Variants in ADCY8 observed in about 807,000 individuals in gnomAD.
ADCY8 encodes the protein adenylate cyclase 8.
Under a neutral mutation model 119.7 loss-of-function variants are expected in ADCY8, and 51 were observed. The ratio of observed to expected loss-of-function variants is 0.43; its 90% CI spans 0.34 to 0.54. ADCY8 has a LOEUF of 0.54. ADCY8 is among the 20% of genes least tolerant of loss of function. The pLI, the probability that ADCY8 is intolerant of heterozygous loss-of-function variation, is 0.03. For missense variants in ADCY8, 1,383 were observed against 1,598.8 expected (o/e 0.87, Z 2.30); for synonymous variants, 665 against 651.0 (o/e 1.02, Z -0.33).
At chr8:130,993,877 C>A (rs2130748683) in intron 1 of ADCY8, among the ~76,000 whole-genome samples, 1 of 152,306 alleles carries the variant, frequency 6.6e-6, no homozygotes, top group East Asian at 1.9e-4. Context: ...TTTTAAGGCA[C>A]ATATTGAAAA....
chr8:130,913,735 C>T (rs1342289724), intron 5 of ADCY8, among the ~76,000 whole-genome samples: 1 of 152,126 alleles, frequency 6.6e-6, no homozygotes, highest in Non-Finnish European at 1.5e-5. Flanking sequence ...GTTTTAAGCA[C>T]TGAGATTTTA....
intron 2 of ADCY8, among the ~76,000 whole-genome samples, chr8:130,959,048 C>G (rs1308155016): frequency 6.6e-6 from 1 of 152,086 alleles, no homozygotes; most frequent in Non-Finnish European, 1.5e-5. Context: ...TTAACTGATC[C>G]TTGTCTTTTC....
chr8:130,852,718 C>G (rs752846079), intron 9 of ADCY8, among the ~76,000 whole-genome samples: 9 of 152,026 alleles, frequency 5.9e-5, no homozygotes, highest in Non-Finnish European at 1.3e-4. Flanking sequence ...GCTCTTGGCT[C>G]TCTCTCCTGC....
intron 8 of ADCY8, among the ~76,000 whole-genome samples, chr8:130,877,483 G>A (rs1354078665): frequency 6.6e-6 from 1 of 152,168 alleles, no homozygotes; most frequent in Non-Finnish European, 1.5e-5. Context: ...CACTTCCCAA[G>A]AATCACTAGA....
Position 130,783,709 on chromosome 8 carries a change from T to C in ADCY8, c.3250A>G (p.Asn1084Asp). Residue 1084 changes from asparagine (N) to aspartate (D), a missense_variant, in exon 17 of 18, where the codon AAT becomes GAT. Around this residue, in one of 2 missense-constraint regions of ADCY8, gnomAD observed 928 missense variants for 1,163.5 expected, o/e 0.80. Transcript: ENST00000286355. ...IQEINKHSFN[N>D]FELRIGISHG... ...TACTCACCAATCCGGAGTTCAAAAT[T>C]GTTGAATGAATGCTTGTTGATCTCC... is the stretch of plus-strand genomic sequence containing the variant. 1.2e-6 allele frequency: 2 copies of C among 1,613,274 alleles called. No homozygotes were observed. Among genetic ancestry groups the C allele is most frequent in the East Asian group, 2.2e-5 (1 of 44,840 alleles).
In ADCY8 at chr8:131,040,729, C is replaced by G. The variant is rs1395516357; in HGVS notation, c.-396G>C. 1.8e-5 allele frequency: 3 copies of G among 163,622 alleles called. No homozygotes were observed. The highest frequency in any genetic ancestry group is 7.1e-5 in the African/African-American group (3 of 42,020). The allele number at this position is 163,622 out of a possible 1,614,324, so 10.1% of individuals were successfully genotyped here. ...TTGCTCTCCAAGAGACGCCTAAGCGCCTGGGCGCCGTGCTTCTGCTGCGCG... is the reference window on the plus strand; with the variant it reads ...TTGCTCTCCAAGAGACGCCTAAGCGGCTGGGCGCCGTGCTTCTGCTGCGCG... On this transcript the variant is annotated 5_prime_UTR_variant, in exon 1 of 18. Coordinates refer to ENST00000286355, the MANE Select transcript of ADCY8 (RefSeq NM_001115.3).
intron 11 of ADCY8, among the ~76,000 whole-genome samples, chr8:130,840,161 G>T (rs2130274580): frequency 7.2e-6 from 1 of 138,786 alleles, no homozygotes; most frequent in African/African-American, 2.4e-5. Flanking sequence ...TCTTTTTTTA[G>T]GCCTATCAAG....
chr8:130,905,141 C>G (rs762475121), intron 6 of ADCY8, among the ~76,000 whole-genome samples: 36 of 152,168 alleles, frequency 2.4e-4, no homozygotes, highest in Non-Finnish European at 4.6e-4. Context: ...CAAAACAGTG[C>G]ATGGTACAAC....
chr8:130,794,271 G>A (rs1244027205), intron 15 of ADCY8, among the ~76,000 whole-genome samples: 1 of 152,180 alleles, frequency 6.6e-6, no homozygotes, highest in Non-Finnish European at 1.5e-5. Context: ...TTGAGACAGA[G>A]TCTTGCACTG....
At chr8:130,947,088 A>G (rs1051047056) in intron 3 of ADCY8, among the ~76,000 whole-genome samples, 3 of 152,180 alleles carry the variant, frequency 2.0e-5, no homozygotes, top group African/African-American at 7.2e-5. Flanking sequence ...CAAGGGGGCC[A>G]TAGTAATTTT....
chr8:130,800,010 C>T (rs1191261997), intron 15 of ADCY8, among the ~76,000 whole-genome samples: 5 of 152,204 alleles, frequency 3.3e-5, no homozygotes, highest in African/African-American at 1.2e-4. Context: ...TTTGTACTTG[C>T]AATTAGTTCT....
At chr8:130,846,297 G>T (rs952287918) in intron 11 of ADCY8, among the ~76,000 whole-genome samples, 1 of 152,092 alleles carries the variant, frequency 6.6e-6, no homozygotes, top group African/African-American at 2.4e-5. Flanking sequence ...AAAGTTCTGG[G>T]TTGTGAATAA....
intron 2 of ADCY8, among the ~76,000 whole-genome samples, chr8:130,959,946 A>C (rs533302537): frequency 1.2e-4 from 18 of 152,358 alleles, no homozygotes; most frequent in Admixed American, 5.9e-4. Flanking sequence ...CTTGGAGATC[A>C]GAGAAATGAT....
At chr8:130,893,072 A>T (rs1485036241) in intron 7 of ADCY8, among the ~76,000 whole-genome samples, 1 of 152,174 alleles carries the variant, frequency 6.6e-6, no homozygotes, top group East Asian at 1.9e-4. Context: ...GACATTACAC[A>T]CTTGGGTCAT....
intron 3 of ADCY8, among the ~76,000 whole-genome samples, chr8:130,947,868 G>T (rs770401817): frequency 1.3e-5 from 2 of 152,150 alleles, no homozygotes; most frequent in Non-Finnish European, 2.9e-5. Flanking sequence ...CCAGATCCAT[G>T]CCTCTATTTG....
chr8:131,034,816 G>A (rs950629532), intron 1 of ADCY8, among the ~76,000 whole-genome samples: 3 of 152,046 alleles, frequency 2.0e-5, no homozygotes, highest in Non-Finnish European at 2.9e-5. Context: ...ATAATGCAGC[G>A]ATCTTTCTGG....
Position 130,800,620 on chromosome 8 carries a change from G to T in ADCY8, c.2914-48C>A, listed in dbSNP as rs758140671. The T allele has an allele frequency of 3.1e-6, 5 of 1,603,548 alleles. No individual in the cohort carries two copies. In the South Asian group the frequency reaches 5.5e-5, roughly 18 times the overall value. On this transcript the variant is annotated intron_variant, in intron 14 of 17. Transcript: ENST00000286355. ...CACCAGAAATGGTCATCAGAGGTCG[G>T]TTCTGCAGTGATGCTTCCTGTGCAC...
chr8:130,893,172 C>G (rs1332648937), intron 7 of ADCY8, among the ~76,000 whole-genome samples: 1 of 152,168 alleles, frequency 6.6e-6, no homozygotes, highest in Non-Finnish European at 1.5e-5. Flanking sequence ...CACTTTGACG[C>G]CACATGATTT....
In ADCY8 at chr8:131,008,841, T is replaced by A. The variant is rs541542165; in HGVS notation, c.961-18299A>T. ...AAGTCCAGGATGAGGTGGTCTCAGA[T>A]GTAGATGAGAAACATCTTTGGAACT... On this transcript the variant is annotated intron_variant, in intron 1 of 17. Transcript: ENST00000286355. Among the ~76,000 whole-genome samples the A allele has an allele frequency of 1.2e-4, 19 of 152,188 alleles. 1 individual carries two copies. In the South Asian group the frequency reaches 1.7e-3, roughly 13 times the overall value.
Sources: allele counts gnomAD v4.1 joint callset (sites outside exome capture counted in the v4.1 genomes callset), GRCh38; gene constraint gnomAD v4.1.1; regional missense constraint gnomAD v4.1.1; transcripts MANE v1.5; gene names NCBI Gene and HGNC (gene_info 2026-07-23, HGNC 2026-07-21).